PRR20G: variants seen among roughly 807,000 people sequenced by gnomAD.
PRR20G encodes proline rich 20G, also known as proline-rich protein 20G.
Position 127,283,882 on chromosome 3 carries a change from C to G in PRR20G, c.*178G>C, listed in dbSNP as rs549076981. Among the ~76,000 whole-genome samples the G allele has an allele frequency of 6.6e-6, 1 of 151,982 alleles. No individual in the cohort carries two copies. Among genetic ancestry groups the G allele is most frequent in the Non-Finnish European group, 1.5e-5 (1 of 67,976 alleles). ...GCGGAGGCAAGAGGGGAATTGGAAG[C>G]AGATGGACTACTGTCAGGATCCTGG... On this transcript the variant is annotated 3_prime_UTR_variant, in exon 3 of 3. Transcript: ENST00000465482.
chr3:127,287,489 C>CCGCT (rs2080393198), intron 1 of PRR20G, among the ~76,000 whole-genome samples, 117 bp from the exon 2 acceptor site: 1 of 152,194 alleles, frequency 6.6e-6, no homozygotes, highest in African/African-American at 2.4e-5. Flanking sequence ...AGGGCCACTG[C>CCGCT]CGCTCGCGGG....
rs1330548857 is a variant in PRR20G, at chr3:127,288,022, T to G, written c.-151A>C. Among the ~76,000 whole-genome samples the G allele has an allele frequency of 6.6e-6, 1 of 152,058 alleles. No homozygotes were observed. The highest frequency in any genetic ancestry group is 2.4e-5 in the African/African-American group (1 of 41,410). On this transcript the variant is annotated 5_prime_UTR_variant, in exon 1 of 3. Transcript: ENST00000465482. The stretch of plus-strand genomic sequence containing the variant: ...AGGAGGGAGCACCCAGCAGTCCTAG[T>G]TCGGAGCCCGGCAGAAAGCTGACTG...
At chr3:127,286,972 C>CCTGGGATGGGTGTGGCA (rs1559760882) in intron 2 of PRR20G, among the ~76,000 whole-genome samples, 1 of 151,792 alleles carries the variant, frequency 6.6e-6, no homozygotes, top group East Asian at 1.9e-4. Flanking sequence ...AGGGTGTGGG[C>CCTGGGATGGGTGTGGCA]CCTGGGATGG....
rs1252898002 is a variant in PRR20G at position 127,287,943 on chromosome 3, G to T, written c.-72C>A. Among the ~76,000 whole-genome samples, 1 of 145,208 alleles carries T rather than the reference G, an allele frequency of 6.9e-6. No homozygotes were observed. The highest frequency in any genetic ancestry group is 1.5e-5 in the Non-Finnish European group (1 of 65,674). On this transcript the variant is annotated 5_prime_UTR_variant, in exon 1 of 3. Transcript: ENST00000465482. ...CCTGAGGAGCTGGAGGTGTCCACGG[G>T]ATCACGGCTATGGCTCCGACGTCGC...
At position 127,284,047 on chromosome 3, in the gene PRR20G, C is replaced by T. The variant is rs9821056; in HGVS notation, c.*13G>A. The stretch of plus-strand genomic sequence containing the variant: ...GAAGAAAAGAAGGCTGGCAGCAATA[C>T]GGATGACAGAGGTTAGTGTGCAGAG... On this transcript the variant is annotated 3_prime_UTR_variant, in exon 3 of 3. Coordinates refer to ENST00000465482, the MANE Select transcript of PRR20G (RefSeq NM_001362810.2). The T allele has an allele frequency of 0.29, 44,180 of 152,326 alleles. 7,180 individuals carry two copies. Among genetic ancestry groups the T allele is most frequent in the East Asian group, 0.61 (3,141 of 5,144 alleles). 9.4% of individuals were successfully genotyped at this position (152,326 alleles called of 1,614,324 possible). A position where few individuals can be genotyped will look rare whatever the true frequency, so the allele number is the denominator to read the frequency against.
intron 2 of PRR20G, among the ~76,000 whole-genome samples, chr3:127,286,254 C>T (rs1038245526): frequency 6.6e-6 from 1 of 152,120 alleles, no homozygotes; most frequent in Non-Finnish European, 1.5e-5. Flanking sequence ...AAATCAGACA[C>T]CTCAAAAGCA....
chr3:127,287,609 C>T (rs1341344132), intron 1 of PRR20G, among the ~76,000 whole-genome samples: 3 of 152,120 alleles, frequency 2.0e-5, no homozygotes, highest in Non-Finnish European at 1.5e-5. Context: ...CAAGTGGAGC[C>T]AGTAGCAAGC....
At chr3:127,286,366 C>T (rs1349642454) in intron 2 of PRR20G, among the ~76,000 whole-genome samples, 2 of 152,296 alleles carry the variant, frequency 1.3e-5, no homozygotes, top group Non-Finnish European at 2.9e-5. Context: ...CCTTAGGAAT[C>T]AGAATGAAGA....
intron 2 of PRR20G, among the ~76,000 whole-genome samples, chr3:127,286,100 T>G (rs990242167): frequency 2.6e-5 from 4 of 151,754 alleles, no homozygotes; most frequent in African/African-American, 9.7e-5. Flanking sequence ...TATAAGAAAA[T>G]TAGAAGTGTA....
intron 2 of PRR20G, among the ~76,000 whole-genome samples, chr3:127,284,935 T>C (rs142790514): frequency 5.6e-4 from 85 of 152,322 alleles, no homozygotes; most frequent in African/African-American, 1.9e-3. Context: ...TGGCTGAGTT[T>C]GAATAAAAAT....
rs538026606 is a variant in PRR20G, at chr3:127,284,475, C to T, written c.218G>A (p.Gly73Glu). 52 of 154,728 alleles carry T rather than the reference C, an allele frequency of 3.4e-4. No individual in the cohort carries two copies. Among genetic ancestry groups the T allele is most frequent in the Middle Eastern group, 6.6e-3 (2 of 302 alleles). 9.6% of individuals were successfully genotyped at this position (154,728 alleles called of 1,614,324 possible). Residue 73 changes from glycine to glutamate, a missense_variant, in exon 3 of 3, where the codon GGA becomes GAA. Gly to Glu is a moderately conservative substitution (Grantham distance 98). Transcript: ENST00000465482. Reference protein sequence around the residue: ...APPAGRGQRGGGSWRAGRGRG... With the variant: ...APPAGRGQRGEGSWRAGRGRG... ...GCCTCGACCTGCCCGCCAGCTTCCT[C>T]CCCCACGCTGGCCTCTTCCTGCAGG... is the stretch of plus-strand genomic sequence containing the variant.
chr3:127,288,037 A>G lies in PRR20G; in HGVS notation c.-166T>C, dbSNP rs1389429622. On this transcript the variant is annotated 5_prime_UTR_variant, in exon 1 of 3. Transcript: ENST00000465482. Reference sequence around the variant, plus strand: ...GCAGTCCTAGTTCGGAGCCCGGCAGAAAGCTGACTGCTCGCGGTTACGAGA... The same window carrying G: ...GCAGTCCTAGTTCGGAGCCCGGCAGGAAGCTGACTGCTCGCGGTTACGAGA... Among the ~76,000 whole-genome samples the G allele has an allele frequency of 6.6e-6, 1 of 152,174 alleles. No individual in the cohort carries two copies. The highest frequency in any genetic ancestry group is 1.5e-5 in the Non-Finnish European group (1 of 68,034).
intron 2 of PRR20G, among the ~76,000 whole-genome samples, chr3:127,285,638 C>A (rs1467773347): frequency 6.6e-6 from 1 of 152,170 alleles, no homozygotes; most frequent in Non-Finnish European, 1.5e-5. Flanking sequence ...TCTAAGGTTG[C>A]CCAATTTCAT....
intron 2 of PRR20G, among the ~76,000 whole-genome samples, chr3:127,285,659 T>C (rs1319481581): frequency 6.6e-6 from 1 of 152,150 alleles, no homozygotes; most frequent in Non-Finnish European, 1.5e-5. Context: ...AGCCCAACCA[T>C]ATCTATTCTG....
At chr3:127,285,087 G>A (rs571383034) in intron 2 of PRR20G, among the ~76,000 whole-genome samples, 5 of 152,278 alleles carry the variant, frequency 3.3e-5, no homozygotes, top group African/African-American at 1.2e-4. Context: ...GAATGCTGGC[G>A]TTGTATTCCC....
chr3:127,285,464 G>A (rs762267516), intron 2 of PRR20G, among the ~76,000 whole-genome samples: 4 of 152,064 alleles, frequency 2.6e-5, no homozygotes, highest in East Asian at 1.9e-4. Flanking sequence ...GAGGGGAGGC[G>A]TTCACACAGA....
chr3:127,284,833 A>G (rs752937356), intron 2 of PRR20G, among the ~76,000 whole-genome samples, 193 bp from the exon 3 acceptor site: 8 of 152,196 alleles, frequency 5.3e-5, no homozygotes, highest in Non-Finnish European at 8.8e-5. Flanking sequence ...AGCACTTTCC[A>G]TGAGCCTCTC....
At position 127,287,921 on chromosome 3, in the gene PRR20G, G is replaced by A. The variant is rs577221329; in HGVS notation, c.-50C>T. On this transcript the variant is annotated 5_prime_UTR_variant, in exon 1 of 3. Coordinates refer to ENST00000465482, the MANE Select transcript of PRR20G (RefSeq NM_001362810.2). ...GGCTCTCTTCTATGGGGAGAGGCCT[G>A]AGGAGCTGGAGGTGTCCACGGGATC... Among the ~76,000 whole-genome samples the A allele has an allele frequency of 7.3e-5, 11 of 150,130 alleles. No individual in the cohort carries two copies. The highest frequency in any genetic ancestry group is 1.6e-4 in the Non-Finnish European group (11 of 67,506).
At position 127,283,929 on chromosome 3, in the gene PRR20G, G is replaced by A. The variant is rs1181051260; in HGVS notation, c.*131C>T. On this transcript the variant is annotated 3_prime_UTR_variant, in exon 3 of 3. Coordinates refer to ENST00000465482, the MANE Select transcript of PRR20G (RefSeq NM_001362810.2). ...CTGGGAGGAGGACTTGGAGGCTCAT[G>A]ACAACACAAAGTAAGGGCTCTGACT... is the stretch of plus-strand genomic sequence containing the variant. Among the ~76,000 whole-genome samples, 2 of 152,152 alleles carry A rather than the reference G, an allele frequency of 1.3e-5. No individual in the cohort carries two copies. Among genetic ancestry groups the A allele is most frequent in the Non-Finnish European group, 2.9e-5 (2 of 68,026 alleles).
Sources: allele counts gnomAD v4.1 joint callset (sites outside exome capture counted in the v4.1 genomes callset), GRCh38; gene constraint gnomAD v4.1.1; transcripts MANE v1.5; gene names NCBI Gene and HGNC (gene_info 2026-07-23, HGNC 2026-07-21).